TRABD2B: variants seen among roughly 807,000 people sequenced by gnomAD.
The protein encoded by TRABD2B is TraB domain containing 2B.
A neutral mutation model predicts 40.1 loss-of-function variants in TRABD2B; 14 were observed. The ratio of observed to expected loss-of-function variants is 0.35; its 90% CI spans 0.23 to 0.55. The LOEUF (loss-of-function observed/expected upper bound fraction) is 0.55. Ranked by LOEUF, TRABD2B falls within the 20% of genes least tolerant of loss-of-function variation. TRABD2B has a pLI of 0.90. For synonymous variants in TRABD2B, 263 were observed against 277.0 expected (o/e 0.95, Z 0.50); for missense variants, 541 against 648.6 (o/e 0.83, Z 1.80).
chr1:47,944,690 G>T (rs1023138104), intron 2 of TRABD2B, among the ~76,000 whole-genome samples: 1 of 152,182 alleles, frequency 6.6e-6, no homozygotes, highest in Non-Finnish European at 1.5e-5. Context: ...GGTCAGGCTT[G>T]ACTGTTAGCT....
rs973366655 is a variant in TRABD2B at position 47,924,994 on chromosome 1, A to G, written c.666+69040T>C. ...GTCAACTGTTAGGCTGTGACCCCCA[A>G]TGGCTTTGATTCCTGGGAAGTCACC... On this transcript the variant is annotated intron_variant, in intron 2 of 6. Transcript: ENST00000606738. Among the ~76,000 whole-genome samples the G allele has an allele frequency of 2.7e-4, 41 of 152,204 alleles. 1 individual carries two copies. The highest frequency in any genetic ancestry group is 9.6e-4 in the African/African-American group (40 of 41,452).
intron 2 of TRABD2B, among the ~76,000 whole-genome samples, chr1:47,992,056 G>C (rs1646019859): frequency 6.6e-6 from 1 of 152,188 alleles, no homozygotes; most frequent in Non-Finnish European, 1.5e-5. Context: ...CTGGCAGGTG[G>C]TGAAGGGTAT....
At chr1:47,848,973 C>A (rs1320808342) in intron 2 of TRABD2B, among the ~76,000 whole-genome samples, 1 of 152,206 alleles carries the variant, frequency 6.6e-6, no homozygotes, top group Non-Finnish European at 1.5e-5. Context: ...CCATCGGCAA[C>A]CCTTCCTGTC....
chr1:47,908,810 G>C (rs1193933464), intron 2 of TRABD2B, among the ~76,000 whole-genome samples: 1 of 152,194 alleles, frequency 6.6e-6, no homozygotes, highest in East Asian at 1.9e-4. Context: ...TTTTGGGAGG[G>C]GGCAGTTCCA....
intron 4 of TRABD2B, among the ~76,000 whole-genome samples, chr1:47,780,161 C>A (rs1182688477): frequency 6.6e-6 from 1 of 152,142 alleles, no homozygotes; most frequent in African/African-American, 2.4e-5. Context: ...GACCCTGCCT[C>A]CCTGAAGTTT....
At chr1:47,856,405 G>A (rs1291640381) in intron 2 of TRABD2B, among the ~76,000 whole-genome samples, 1 of 152,216 alleles carries the variant, frequency 6.6e-6, no homozygotes. Flanking sequence ...AAATGAATGT[G>A]TGTGTGAATA....
In TRABD2B at chr1:47,935,776, T is replaced by C. The variant is rs192558543; in HGVS notation, c.666+58258A>G. Among the ~76,000 whole-genome samples, 218 of 152,360 alleles carry C rather than the reference T, an allele frequency of 1.4e-3. 1 individual carries two copies. The highest frequency in any genetic ancestry group is 2.2e-3 in the Non-Finnish European group (148 of 68,040). ...ACCTAGAAACCCCAATATTTAGATA[T>C]CTAAACTGTATCTCTTATATGATAT... is the stretch of plus-strand genomic sequence containing the variant. On this transcript the variant is annotated intron_variant, in intron 2 of 6. Coordinates refer to ENST00000606738, the MANE Select transcript of TRABD2B (RefSeq NM_001194986.2).
chr1:47,959,640 C>T (rs1645479657), intron 2 of TRABD2B, among the ~76,000 whole-genome samples: 2 of 152,176 alleles, frequency 1.3e-5, no homozygotes, highest in Non-Finnish European at 2.9e-5. Context: ...TGGACACATA[C>T]ACCCTCCCAA....
intron 2 of TRABD2B, among the ~76,000 whole-genome samples, chr1:47,988,778 C>T (rs952108893): frequency 6.6e-6 from 1 of 152,226 alleles, no homozygotes; most frequent in Non-Finnish European, 1.5e-5. Context: ...CCAGCGCTCT[C>T]ATGGGACAAA....
chr1:47,866,159 T>C (rs1197256057), intron 2 of TRABD2B, among the ~76,000 whole-genome samples: 1 of 151,770 alleles, frequency 6.6e-6, no homozygotes, highest in East Asian at 2.0e-4. Flanking sequence ...ACCCCCAGTC[T>C]GGAAGGAAAT....
At chr1:47,841,604 C>T (rs1284693758) in intron 2 of TRABD2B, among the ~76,000 whole-genome samples, 1 of 152,064 alleles carries the variant, frequency 6.6e-6, no homozygotes, top group Non-Finnish European at 1.5e-5. Context: ...AGCCCACAGC[C>T]CGGTGGGAAT....
intron 4 of TRABD2B, among the ~76,000 whole-genome samples, chr1:47,786,102 C>A (rs181004454): frequency 1.3e-5 from 2 of 152,320 alleles, no homozygotes; most frequent in Admixed American, 1.3e-4. Context: ...CTGTGCAAGG[C>A]CAGGCCCTGA....
chr1:47,959,503 G>T (rs899042376), intron 2 of TRABD2B, among the ~76,000 whole-genome samples: 10 of 152,000 alleles, frequency 6.6e-5, no homozygotes, highest in African/African-American at 2.4e-4. Context: ...TCAAATAGAT[G>T]CAATAAAAAA....
At position 47,761,847 on chromosome 1, in the gene TRABD2B, G is replaced by T; in HGVS notation, c.*4055C>A. The T allele has an allele frequency of 6.6e-6, 1 of 152,436 alleles. No individual in the cohort carries two copies. 9.4% of individuals were successfully genotyped at this position (152,436 alleles called of 1,614,324 possible). On this transcript the variant is annotated 3_prime_UTR_variant, in exon 7 of 7. Coordinates refer to ENST00000606738, the MANE Select transcript of TRABD2B (RefSeq NM_001194986.2). ...AGGTCTGCCTCTCTCCTTCTTTTCTGCCTTCATTCCTTTCTTCCTCCCCTT... is the reference window on the plus strand; with the variant it reads ...AGGTCTGCCTCTCTCCTTCTTTTCTTCCTTCATTCCTTTCTTCCTCCCCTT...
At chr1:47,840,963 A>G (rs549421776) in intron 2 of TRABD2B, among the ~76,000 whole-genome samples, 1 of 152,230 alleles carries the variant, frequency 6.6e-6, no homozygotes, top group East Asian at 1.9e-4. Context: ...AAGGAAAGAG[A>G]GAGAGAATGA....
At chr1:47,953,920 C>A (rs1394914637) in intron 2 of TRABD2B, among the ~76,000 whole-genome samples, 1 of 152,192 alleles carries the variant, frequency 6.6e-6, no homozygotes, top group African/African-American at 2.4e-5. Flanking sequence ...TTCGGAGAAT[C>A]AGACAACGTG....
chr1:47,846,855 C>CATATAT (rs200811062), intron 2 of TRABD2B, among the ~76,000 whole-genome samples: 1 of 130,272 alleles, frequency 7.7e-6, no homozygotes, highest in Non-Finnish European at 1.6e-5. Context: ...TTAAAACATG[C>CATATAT]ATACACACAC....
rs143941313 is a variant in TRABD2B at position 47,804,045 on chromosome 1, C to T, written c.667-2426G>A. Among the ~76,000 whole-genome samples, 249 of 152,322 alleles carry T rather than the reference C, an allele frequency of 1.6e-3. 3 individuals are homozygous for T. The highest frequency in any genetic ancestry group is 3.7e-4 in the Non-Finnish European group (25 of 68,028). Reference sequence around the variant, plus strand: ...TACTAACATAGGCAACAGGGCCAAGCGTGTGCTCATGAGATCACCTCCCTC... The same window carrying T: ...TACTAACATAGGCAACAGGGCCAAGTGTGTGCTCATGAGATCACCTCCCTC... On this transcript the variant is annotated intron_variant, in intron 2 of 6. Coordinates refer to ENST00000606738, the MANE Select transcript of TRABD2B (RefSeq NM_001194986.2).
intron 2 of TRABD2B, among the ~76,000 whole-genome samples, chr1:47,894,142 G>C (rs1644486212): frequency 6.6e-6 from 1 of 152,188 alleles, no homozygotes; most frequent in African/African-American, 2.4e-5. Flanking sequence ...GTGATACACA[G>C]TGTGGGTGGG....
Sources: allele counts gnomAD v4.1 joint callset (sites outside exome capture counted in the v4.1 genomes callset), GRCh38; gene constraint gnomAD v4.1.1; transcripts MANE v1.5; gene names NCBI Gene and HGNC (gene_info 2026-07-23, HGNC 2026-07-21).